CLMN: variants seen among roughly 807,000 people sequenced by gnomAD.
CLMN encodes calmin (calponin-like, transmembrane).
CLMN carries 57 observed loss-of-function variants against 92.7 expected under a neutral mutation model. The observed-to-expected ratio is 0.61, with a 90% CI of 0.50 to 0.77. CLMN has a LOEUF of 0.77. Among genes scored for constraint, CLMN ranks in the 30% least tolerant of loss-of-function variants. CLMN has a pLI of 0.00. For synonymous variants in CLMN, 466 were observed against 470.6 expected (o/e 0.99, Z 0.13); for missense variants, 1,158 against 1,237.5 (o/e 0.94, Z 0.96).
At position 95,210,886 on chromosome 14, in the gene CLMN, G is replaced by A. The variant is rs1566869165; in HGVS notation, c.609-7C>T. On this transcript the variant is annotated splice_region_variant and splice_polypyrimidine_tract_variant and intron_variant, in intron 6 of 12. Transcript: ENST00000298912. ...CTGCACCGCCACGCCATACCTGAAG[G>A]AAAAACAGCAGCGGCGGCCAGGATG... is the stretch of plus-strand genomic sequence containing the variant. 3 of 1,495,326 alleles carry A rather than the reference G, an allele frequency of 2.0e-6. No homozygotes were observed. Among genetic ancestry groups the A allele is most frequent in the Non-Finnish European group, 8.9e-7 (1 of 1,129,280 alleles). The allele number at this position is 1,495,326 out of a possible 1,614,324, so 92.6% of individuals were successfully genotyped here.
Position 95,194,596 on chromosome 14 carries a change from C to T in CLMN, c.2709G>A (p.Arg903=). Residue 903 remains arginine (R), a splice_region_variant and synonymous_variant, in exon 11 of 13, where the codon AGG becomes AGA. Transcript: ENST00000298912. The surrounding 1 kb of genome is among the most constrained non-coding windows in gnomAD (Gnocchi z 4.0). The part of the protein sequence containing the change: ...EDSSDYSIPS[R]TSHSDSSIYL... ...AAATGCTGGAGTCACTGTGACTAGTCCTGAAAAACAAACACATGTTTTGAA... is the reference window on the plus strand; with the variant it reads ...AAATGCTGGAGTCACTGTGACTAGTTCTGAAAAACAAACACATGTTTTGAA... The T allele has an allele frequency of 6.2e-7, 1 of 1,614,100 alleles. No individual in the cohort carries two copies. Among genetic ancestry groups the T allele is most frequent in the Non-Finnish European group, 8.5e-7 (1 of 1,179,982 alleles).
intron 1 of CLMN, among the ~76,000 whole-genome samples, chr14:95,298,700 T>C (rs1020584133): frequency 6.6e-6 from 1 of 152,196 alleles, no homozygotes; most frequent in Non-Finnish European, 1.5e-5. Flanking sequence ...GGTACATCTA[T>C]ACCTGCAAAG....
chr14:95,290,266 T>TC (rs1258039922), intron 1 of CLMN, among the ~76,000 whole-genome samples: 2 of 152,236 alleles, frequency 1.3e-5, no homozygotes, highest in African/African-American at 4.8e-5. Context: ...TTTGTGACTC[T>TC]GTCACACTTT....
At chr14:95,283,540 C>T (rs1259372734) in intron 1 of CLMN, among the ~76,000 whole-genome samples, 1 of 152,220 alleles carries the variant, frequency 6.6e-6, no homozygotes, top group Non-Finnish European at 1.5e-5. Context: ...AAGTTTGGAA[C>T]TTCCTAGAGA....
intron 1 of CLMN, among the ~76,000 whole-genome samples, chr14:95,316,313 G>A: frequency 6.6e-6 from 1 of 152,250 alleles, no homozygotes; most frequent in East Asian, 1.9e-4. Context: ...CTGTTTCCTT[G>A]CAAGGGACCC....
chr14:95,250,164 G>A (rs1898726295), intron 1 of CLMN, among the ~76,000 whole-genome samples: 1 of 152,242 alleles, frequency 6.6e-6, no homozygotes, highest in African/African-American at 2.4e-5. Flanking sequence ...GGGCCAGGCT[G>A]TCTCTCTCTG....
intron 1 of CLMN, among the ~76,000 whole-genome samples, chr14:95,301,704 G>A (rs867196684): frequency 1.3e-5 from 2 of 152,136 alleles, no homozygotes; most frequent in Non-Finnish European, 2.9e-5. Flanking sequence ...CAACCTACTA[G>A]GTCACCTGGA....
At position 95,213,389 on chromosome 14, in the gene CLMN, G is replaced by C. The variant is rs548861654; in HGVS notation, c.438C>G (p.Asn146Lys). 6.2e-6 allele frequency: 10 copies of C among 1,609,264 alleles called. No individual in the cohort carries two copies. The highest frequency in any genetic ancestry group is 7.6e-6 in the Non-Finnish European group (9 of 1,178,272). The change falls in exon 6 of 13, where the codon AAC (asparagine) becomes AAG (lysine). Residue 146 changes from asparagine (N) to lysine (K), a missense_variant. By Grantham distance (94) the Asn-to-Lys change is moderately conservative (BLOSUM62 0). Transcript: ENST00000298912. ...LFFQIKELTG[N>K]LSRNSPSSSL... Reference sequence around the variant, plus strand: ...TGGAAGATGGAGAGTTTCTGCTGAGGTTGCCTGTGAGCTCCTTAATCTGGA... The same window carrying C: ...TGGAAGATGGAGAGTTTCTGCTGAGCTTGCCTGTGAGCTCCTTAATCTGGA...
rs1258873341 is a variant in CLMN at position 95,259,471 on chromosome 14, C to T, written c.83-29338G>A. On this transcript the variant is annotated intron_variant, in intron 1 of 12. Coordinates refer to ENST00000298912, the MANE Select transcript of CLMN (RefSeq NM_024734.4). This position sits in a 1 kb window ranked among gnomAD's most constrained non-coding sequence, Gnocchi z 4.3. ...GGACACGGAGGAAACCCCCACCCAC[C>T]TCTTCCTGGGCCCCTCCTGGAGTTT... Among the ~76,000 whole-genome samples the T allele has an allele frequency of 6.6e-6, 1 of 152,146 alleles. No individual in the cohort carries two copies. Among genetic ancestry groups the T allele is most frequent in the African/African-American group, 2.4e-5 (1 of 41,412 alleles).
At chr14:95,207,882 T>G (rs920525142) in intron 8 of CLMN, among the ~76,000 whole-genome samples, 1 of 152,130 alleles carries the variant, frequency 6.6e-6, no homozygotes, top group South Asian at 2.1e-4. Context: ...TTCAGCTGCA[T>G]GTTGTAAGGG....
chr14:95,301,242 T>C (rs1901039958), intron 1 of CLMN, among the ~76,000 whole-genome samples: 1 of 152,200 alleles, frequency 6.6e-6, no homozygotes, highest in Non-Finnish European at 1.5e-5. Context: ...CCATAATTCT[T>C]GTGTGTCCGA....
chr14:95,218,825 T>C (rs2140610833), intron 4 of CLMN, among the ~76,000 whole-genome samples: 1 of 152,362 alleles, frequency 6.6e-6, no homozygotes, highest in Non-Finnish European at 1.5e-5. Context: ...GGATGGAGGC[T>C]TTAATGTTCC....
intron 1 of CLMN, among the ~76,000 whole-genome samples, chr14:95,274,539 G>A (rs530966439): frequency 6.6e-6 from 1 of 152,114 alleles, no homozygotes; most frequent in African/African-American, 2.4e-5. Context: ...CCTGGCACCT[G>A]GCCCTGGTCG....
intron 1 of CLMN, among the ~76,000 whole-genome samples, chr14:95,316,398 T>G (rs1350045081): frequency 6.6e-6 from 1 of 152,238 alleles, no homozygotes; most frequent in Non-Finnish European, 1.5e-5. Context: ...TTGACGAACG[T>G]CTTTTTGAGC....
chr14:95,316,103 T>G (rs1901758145), intron 1 of CLMN, among the ~76,000 whole-genome samples: 1 of 152,174 alleles, frequency 6.6e-6, no homozygotes, highest in Non-Finnish European at 1.5e-5. Context: ...AGCCTGTCTT[T>G]CGAAGGACAC....
intron 1 of CLMN, among the ~76,000 whole-genome samples, chr14:95,242,048 A>G (rs542299587): frequency 1.3e-5 from 2 of 152,002 alleles, no homozygotes; most frequent in South Asian, 2.1e-4. Flanking sequence ...CTGGGCAGAA[A>G]CCCTGTAGGT....
At chr14:95,209,283 G>T in intron 8 of CLMN, 112 bp downstream of exon 8, 1 of 920,278 alleles carries the variant, frequency 1.1e-6, no homozygotes, top group Non-Finnish European at 1.8e-6. Context: ...AGCAACTGGC[G>T]ATTTTGACTG....
At position 95,204,128 on chromosome 14, in the gene CLMN, A is replaced by G. The variant is rs1896973139; in HGVS notation, c.1221T>C (p.Ile407=). Residue 407 remains isoleucine (I), a synonymous_variant, in exon 9 of 13, where the codon ATT becomes ATC. Transcript: ENST00000298912. Reference sequence around the variant, plus strand: ...TCCCGTTCTCCTTTCTGGATGATAAAATGGAGGATTCTGGAGATGGCTCAC... The same window carrying G: ...TCCCGTTCTCCTTTCTGGATGATAAGATGGAGGATTCTGGAGATGGCTCAC... ...DISEPSPESS[I]LSSRKENGRS... 6.2e-7 allele frequency: 1 copy of G among 1,614,002 alleles called. No individual in the cohort carries two copies. The highest frequency in any genetic ancestry group is 1.3e-5 in the African/African-American group (1 of 74,884).
intron 1 of CLMN, among the ~76,000 whole-genome samples, chr14:95,316,595 G>T (rs1002714225): frequency 6.6e-6 from 1 of 152,216 alleles, no homozygotes; most frequent in Non-Finnish European, 1.5e-5. Context: ...CACATTGCAT[G>T]GATTTCAGAA....
Sources: allele counts gnomAD v4.1 joint callset (sites outside exome capture counted in the v4.1 genomes callset), GRCh38; gene constraint gnomAD v4.1.1; non-coding constraint Gnocchi (gnomAD v3.1); transcripts MANE v1.5; gene names NCBI Gene and HGNC (gene_info 2026-07-23, HGNC 2026-07-21).